Variants in RAB7A observed in about 807,000 individuals in gnomAD.
RAB7A encodes ras-related protein Rab-7a.
RAB7A carries 2 observed loss-of-function variants against 24.5 expected under a neutral mutation model. The observed-to-expected ratio is 0.08, with a 90% CI of 0.03 to 0.26. The LOEUF is 0.26. Ranked by LOEUF, RAB7A falls within the 10% of genes least tolerant of loss-of-function variation. The pLI, the probability that RAB7A is intolerant of heterozygous loss-of-function variation, is 1.00. For missense variants in RAB7A, 118 were observed against 255.7 expected (o/e 0.46, Z 3.67); for synonymous variants, 100 against 95.9 (o/e 1.04, Z -0.25).
At chr3:128,761,696 C>G (rs926042587) in intron 1 of RAB7A, among the ~76,000 whole-genome samples, 5 of 152,230 alleles carry the variant, frequency 3.3e-5, no homozygotes, top group African/African-American at 1.2e-4. Context: ...GGCACCTCTC[C>G]TCTAGAGCAG....
intron 1 of RAB7A, among the ~76,000 whole-genome samples, chr3:128,728,570 C>T (rs1046924394): frequency 1.3e-5 from 2 of 152,212 alleles, no homozygotes; most frequent in Non-Finnish European, 2.9e-5. Context: ...TCAAGCCATT[C>T]TCCTGCCTCA....
intron 1 of RAB7A, among the ~76,000 whole-genome samples, chr3:128,742,233 G>A (rs937951229): frequency 2.0e-5 from 3 of 152,076 alleles, no homozygotes; most frequent in African/African-American, 7.2e-5. Flanking sequence ...CCCCCGGTGG[G>A]TTCGTGATCT....
intron 1 of RAB7A, among the ~76,000 whole-genome samples, chr3:128,760,302 A>G (rs571848480): frequency 6.6e-6 from 1 of 152,208 alleles, no homozygotes; most frequent in East Asian, 1.9e-4. Context: ...AGCTCTCCCG[A>G]TTCTCAGACC....
Position 128,764,726 on chromosome 3 carries a change from GCCCACTCTCC to G in RAB7A, c.-8-30632_-8-30623del. On this transcript the variant is annotated intron_variant, in intron 1 of 5. Transcript: ENST00000265062. ...TGTGATGCACACTCCATTGCATTCA[GCCCACTCTCC>G]CAGTCATCACAGACTGGTTTCTTGA... The G allele has an allele frequency of 3.7e-6, 3 of 800,624 alleles. No homozygotes were observed. In the Admixed American group the frequency reaches 5.1e-5, roughly 14 times the overall value. The allele number at this position is 800,624 out of a possible 1,614,324, so 49.6% of individuals were successfully genotyped here. A position where few individuals can be genotyped will look rare whatever the true frequency, so the allele number is the denominator to read the frequency against.
In RAB7A at chr3:128,794,619, G is replaced by A. The variant is rs570008142; in HGVS notation, c.-8-741G>A. On this transcript the variant is annotated intron_variant, in intron 1 of 5. Transcript: ENST00000265062. ...CAAATGAGAGGCAATTACAGCAGGA[G>A]CCCTGTCTTGATGAGTAGATAGACC... 5.3e-5 allele frequency among the ~76,000 whole-genome samples: 8 copies of A among 152,254 alleles called. No homozygotes were observed. The South Asian group carries it at 1.7e-3, about 32-fold the overall frequency.
At chr3:128,774,184 CTAAAAAAAAAAAAAAT>C (rs1387436973) in intron 1 of RAB7A, among the ~76,000 whole-genome samples, 3 of 111,690 alleles carry the variant, frequency 2.7e-5, no homozygotes, top group African/African-American at 1.2e-4. Context: ...TATGTATTAA[CTAAAAAAAAAAAAAAT>C]TAAAAAAAAA....
intron 3 of RAB7A, among the ~76,000 whole-genome samples, chr3:128,801,432 C>T (rs1057476196): frequency 1.1e-3 from 2 of 1,882 alleles, no homozygotes; most frequent in Non-Finnish European, 4.9e-3. Context: ...GGTTTGTGGC[C>T]TACATTGTAG....
chr3:128,793,479 T>A (rs1169746045), intron 1 of RAB7A, among the ~76,000 whole-genome samples: 1 of 152,086 alleles, frequency 6.6e-6, no homozygotes, highest in Non-Finnish European at 1.5e-5. Flanking sequence ...AGAGACGGGG[T>A]TTCACCATGT....
chr3:128,735,712 T>G (rs1450566059), intron 1 of RAB7A, among the ~76,000 whole-genome samples: 1 of 152,210 alleles, frequency 6.6e-6, no homozygotes, highest in African/African-American at 2.4e-5. Flanking sequence ...GCCAGCCCAT[T>G]GTGGGCTCCT....
rs573974730 is a variant in RAB7A at position 128,765,071 on chromosome 3, C to T, written c.-8-30289C>T. The T allele has an allele frequency of 2.7e-4, 277 of 1,022,980 alleles. 1 individual carries two copies. The East Asian group carries it at 6.7e-3, about 25-fold the overall frequency. The allele number at this position is 1,022,980 out of a possible 1,614,324, so 63.4% of individuals were successfully genotyped here. On this transcript the variant is annotated intron_variant, in intron 1 of 5. Transcript: ENST00000265062. Reference sequence around the variant, plus strand: ...TGGCTGCGCGGCGCTGGAGCGGCGGCGGGGGCCTTGGGATGGTCCGAGGGT... The same window carrying T: ...TGGCTGCGCGGCGCTGGAGCGGCGGTGGGGGCCTTGGGATGGTCCGAGGGT...
intron 1 of RAB7A, among the ~76,000 whole-genome samples, chr3:128,727,349 G>T (rs9820753): frequency 6.6e-6 from 1 of 152,130 alleles, no homozygotes; most frequent in African/African-American, 2.4e-5. Flanking sequence ...CCAGAGCACT[G>T]TATTAAATTT....
At chr3:128,789,285 T>G (rs1166088257) in intron 1 of RAB7A, among the ~76,000 whole-genome samples, 1 of 152,078 alleles carries the variant, frequency 6.6e-6, no homozygotes, top group African/African-American at 2.4e-5. Context: ...GGTCGGTGCT[T>G]TAGAGAACTG....
intron 1 of RAB7A, among the ~76,000 whole-genome samples, chr3:128,790,182 AGC>A (rs1933426819): frequency 6.6e-6 from 1 of 152,236 alleles, no homozygotes; most frequent in African/African-American, 2.4e-5. Flanking sequence ...GCCAGTTTAA[AGC>A]CATCAATGTC....
At chr3:128,773,544 G>C (rs1365004712) in intron 1 of RAB7A, among the ~76,000 whole-genome samples, 1 of 148,570 alleles carries the variant, frequency 6.7e-6, no homozygotes, top group Non-Finnish European at 1.5e-5. Flanking sequence ...GCCCCTTCTG[G>C]GAAGTGAGGA....
At chr3:128,758,270 T>G (rs2070746520) in intron 1 of RAB7A, among the ~76,000 whole-genome samples, 1 of 133,362 alleles carries the variant, frequency 7.5e-6, no homozygotes, top group Admixed American at 7.7e-5. Flanking sequence ...GTGTTTGTTT[T>G]TTTGTTTTTT....
intron 1 of RAB7A, among the ~76,000 whole-genome samples, chr3:128,744,450 T>G (rs904192901): frequency 3.0e-4 from 45 of 152,232 alleles, no homozygotes; most frequent in African/African-American, 1.1e-3. Context: ...TTTTGAAATA[T>G]GATACATTAT....
chr3:128,743,171 A>C (rs1392097423), intron 1 of RAB7A, among the ~76,000 whole-genome samples: 1 of 152,198 alleles, frequency 6.6e-6, no homozygotes, highest in African/African-American at 2.4e-5. Context: ...CTGGGTGCTA[A>C]GCCCCTCACT....
At chr3:128,800,536 A>G (rs1933676519) in intron 3 of RAB7A, among the ~76,000 whole-genome samples, 1 of 152,222 alleles carries the variant, frequency 6.6e-6, no homozygotes, top group Non-Finnish European at 1.5e-5. Context: ...GGGCTTCTCA[A>G]GAAGCCCAAA....
chr3:128,769,548 T>A (rs1196961879), intron 1 of RAB7A, among the ~76,000 whole-genome samples: 1 of 152,250 alleles, frequency 6.6e-6, no homozygotes, highest in African/African-American at 2.4e-5. Context: ...GTCAGATATG[T>A]GATTTCCAAA....
Sources: gnomAD v4.1 joint callset for allele counts (sites outside exome capture counted in the v4.1 genomes callset) on GRCh38, gnomAD v4.1.1 for gene constraint, MANE v1.5 for transcripts, NCBI Gene and HGNC (gene_info 2026-07-23, HGNC 2026-07-21) for gene names.